The following PTPRD variants were observed in gnomAD, a reference collection of about 807,000 sequenced individuals.
PTPRD encodes the protein receptor-type tyrosine-protein phosphatase delta.
A neutral mutation model predicts 214.5 loss-of-function variants in PTPRD; 34 were observed. The observed-to-expected ratio is 0.16, with a 90% CI of 0.12 to 0.21. The LOEUF (loss-of-function observed/expected upper bound fraction) is 0.21. Among genes scored for constraint, PTPRD ranks in the 10% least tolerant of loss-of-function variants. The pLI is 1.00. For synonymous variants in PTPRD, 1,128 were observed against 845.7 expected (o/e 1.33, Z -5.79); for missense variants, 2,545 against 2,398.7 (o/e 1.06, Z -1.27).
intron 11 of PTPRD, among the ~76,000 whole-genome samples, chr9:8,790,695 T>C (rs577764612): frequency 6.4e-4 from 97 of 152,118 alleles, no homozygotes; most frequent in African/African-American, 2.2e-3. Context: ...TTAGTGTGGA[T>C]TGAGGTTAAA....
chr9:9,467,886 G>T (rs960151568), intron 8 of PTPRD, among the ~76,000 whole-genome samples: 4 of 152,014 alleles, frequency 2.6e-5, no homozygotes, highest in Non-Finnish European at 4.4e-5. Context: ...AATACATTGA[G>T]GTATTTGGTA....
At chr9:9,719,604 T>A (rs2097899491) in intron 7 of PTPRD, among the ~76,000 whole-genome samples, 1 of 151,628 alleles carries the variant, frequency 6.6e-6, no homozygotes, top group Non-Finnish European at 1.5e-5. Flanking sequence ...ACTGAAAGAG[T>A]TGTAACACAA....
At chr9:9,510,635 G>A (rs2096678943) in intron 8 of PTPRD, among the ~76,000 whole-genome samples, 1 of 150,458 alleles carries the variant, frequency 6.6e-6, no homozygotes, top group African/African-American at 2.4e-5. Context: ...TTAAGAAAAG[G>A]CAAAATTACT....
At chr9:8,645,064 C>T (rs533064485) in intron 12 of PTPRD, among the ~76,000 whole-genome samples, 43 of 152,296 alleles carry the variant, frequency 2.8e-4, no homozygotes, top group African/African-American at 7.9e-4. Context: ...GATAATATAT[C>T]GCAATTTATT....
intron 5 of PTPRD, among the ~76,000 whole-genome samples, chr9:9,905,217 C>T (rs1390312600): frequency 1.3e-5 from 2 of 151,844 alleles, no homozygotes; most frequent in East Asian, 3.9e-4. Context: ...ATCTACATAT[C>T]TTCTGTAGCT....
chr9:8,629,508 C>G (rs541701672), intron 14 of PTPRD, among the ~76,000 whole-genome samples: 3 of 151,944 alleles, frequency 2.0e-5, no homozygotes, highest in Non-Finnish European at 4.4e-5. Context: ...TTACAACACT[C>G]TCTCTGGTCC....
chr9:9,333,527 A>ATATATATATAT (rs1569567453), intron 9 of PTPRD, among the ~76,000 whole-genome samples: 2 of 124,108 alleles, frequency 1.6e-5, no homozygotes, highest in African/African-American at 9.6e-5. Context: ...TATATATATA[A>ATATATATATAT]AGTCTGCAAT....
At chr9:9,679,003 T>C (rs886222161) in intron 7 of PTPRD, among the ~76,000 whole-genome samples, 3 of 151,560 alleles carry the variant, frequency 2.0e-5, no homozygotes, top group Non-Finnish European at 4.4e-5. Flanking sequence ...AGAGTAATAA[T>C]GCTAGAAAAG....
chr9:10,134,577 T>A (rs927933331), intron 3 of PTPRD, among the ~76,000 whole-genome samples: 9 of 152,092 alleles, frequency 5.9e-5, no homozygotes, highest in African/African-American at 2.2e-4. Flanking sequence ...TGAAATCCAA[T>A]GCAGGAATCT....
At chr9:10,027,797 G>T (rs963030174) in intron 4 of PTPRD, among the ~76,000 whole-genome samples, 4 of 152,012 alleles carry the variant, frequency 2.6e-5, no homozygotes, top group African/African-American at 7.3e-5. Flanking sequence ...CCAGTAAAAG[G>T]CATTGAACTA....
At chr9:8,361,528 C>T (rs2078482653) in intron 39 of PTPRD, among the ~76,000 whole-genome samples, 1 of 152,148 alleles carries the variant, frequency 6.6e-6, no homozygotes, top group East Asian at 1.9e-4. Flanking sequence ...GAGCACTCAA[C>T]CTGGAGTCGA....
chr9:8,881,428 C>G (rs1255587686), intron 11 of PTPRD, among the ~76,000 whole-genome samples: 1 of 152,136 alleles, frequency 6.6e-6, no homozygotes, highest in Non-Finnish European at 1.5e-5. Flanking sequence ...CATTTTTCCT[C>G]TCAAACATGA....
At chr9:8,618,896 G>GTTT in intron 14 of PTPRD, among the ~76,000 whole-genome samples, 1 of 122,828 alleles carries the variant, frequency 8.1e-6, no homozygotes, top group African/African-American at 3.2e-5. Flanking sequence ...GTGTGTGTGT[G>GTTT]TTTGTCTGTG....
intron 8 of PTPRD, among the ~76,000 whole-genome samples, chr9:9,415,284 G>C (rs1439656070): frequency 1.3e-5 from 2 of 151,970 alleles, no homozygotes; most frequent in Admixed American, 6.6e-5. Flanking sequence ...GAGCAGACTG[G>C]CTAACAAGGC....
chr9:9,176,570 G>A (rs1027401551), intron 10 of PTPRD, among the ~76,000 whole-genome samples: 3 of 152,168 alleles, frequency 2.0e-5, no homozygotes, highest in Admixed American at 2.0e-4. Flanking sequence ...AATTGCTAAT[G>A]TAATGGTGTT....
At chr9:10,442,479 G>T (rs570288465) in intron 2 of PTPRD, among the ~76,000 whole-genome samples, 5 of 151,624 alleles carry the variant, frequency 3.3e-5, no homozygotes, top group African/African-American at 1.2e-4. Context: ...ATAGAGAAGG[G>T]GCAATCCAAC....
rs183346897 is a variant in PTPRD, at chr9:10,490,386, T to A, written c.-600+122012A>T. 2.8e-3 allele frequency among the ~76,000 whole-genome samples: 432 copies of A among 152,232 alleles called. 3 individuals carry two copies. The highest frequency in any genetic ancestry group is 5.2e-3 in the Non-Finnish European group (352 of 68,002). On this transcript the variant is annotated intron_variant, in intron 2 of 45. Transcript: ENST00000381196. The stretch of plus-strand genomic sequence containing the variant: ...ACAGAAAATAGGATGTAAAAGACAG[T>A]GTTCATAAAAATAATTATTGCCATC...
At chr9:9,507,847 A>C (rs1263205835) in intron 8 of PTPRD, among the ~76,000 whole-genome samples, 1 of 151,452 alleles carries the variant, frequency 6.6e-6, no homozygotes, top group Non-Finnish European at 1.5e-5. Context: ...TAAAATCTCG[A>C]CTGTGCCTTC....
chr9:8,816,306 G>A (rs1007851706), intron 11 of PTPRD, among the ~76,000 whole-genome samples: 57 of 152,286 alleles, frequency 3.7e-4, no homozygotes, highest in African/African-American at 1.3e-3. Flanking sequence ...AAAGGTCTGC[G>A]AGAGGCTCCT....
Sources: allele counts gnomAD v4.1 joint callset (sites outside exome capture counted in the v4.1 genomes callset), GRCh38; gene constraint gnomAD v4.1.1; transcripts MANE v1.5; gene names NCBI Gene and HGNC (gene_info 2026-07-23, HGNC 2026-07-21).